CCDC117: variants seen among roughly 807,000 people sequenced by gnomAD.
The protein encoded by CCDC117 is coiled-coil domain-containing protein 117.
Under a neutral mutation model 23.5 loss-of-function variants are expected in CCDC117, and 1 was observed. The observed-to-expected ratio is 0.04, with a 90% confidence interval of 0.02 to 0.20. The LOEUF (loss-of-function observed/expected upper bound fraction) is 0.20. Ranked by LOEUF, CCDC117 falls within the 10% of genes least tolerant of loss-of-function variation. The pLI is 1.00. For synonymous variants in CCDC117, 132 were observed against 124.8 expected (o/e 1.06, Z -0.39); for missense variants, 383 against 348.2 (o/e 1.10, Z -0.80).
At chr22:28,785,177 CTTGTT>C (rs57485961) in intron 4 of CCDC117, among the ~76,000 whole-genome samples, 25 of 151,250 alleles carry the variant, frequency 1.7e-4, no homozygotes, top group South Asian at 4.2e-4. Context: ...AACCATGAAG[CTTGTT>C]TTGTTTTGTT....
chr22:28,772,983 C>A lies in CCDC117; in HGVS notation c.134C>A (p.Pro45Gln). Reference sequence around the variant, plus strand: ...GACGGCGCCGAGTTGGCCCCGCGGCCGGGACCTCGCGCAGTCCCTAGCAGT... The same window carrying A: ...GACGGCGCCGAGTTGGCCCCGCGGCAGGGACCTCGCGCAGTCCCTAGCAGT... ...GADGAELAPR[P>Q]GPRAVPSSPA... The change falls in exon 1 of 5, where the codon CCG becomes CAG. Residue 45 changes from proline to glutamine, a missense_variant. By Grantham distance (76) the Pro-to-Gln change is moderately conservative. Coordinates refer to ENST00000249064, the MANE Select transcript of CCDC117 (RefSeq NM_173510.4). 1 of 1,182,470 alleles carries A rather than the reference C, an allele frequency of 8.5e-7. No homozygotes were observed. Among genetic ancestry groups the A allele is most frequent in the Admixed American group, 4.6e-5 (1 of 21,758 alleles). 73.2% of individuals were successfully genotyped at this position (1,182,470 alleles called of 1,614,324 possible). A position where few individuals can be genotyped will look rare whatever the true frequency, so the allele number is the denominator to read the frequency against.
intron 3 of CCDC117, 109 bp downstream of exon 3, chr22:28,781,281 C>T (rs546065204): frequency 1.8e-6 from 1 of 564,384 alleles, no homozygotes; most frequent in Non-Finnish European, 3.3e-6. Flanking sequence ...CTTAGCCTCT[C>T]AGAAAGACTA....
intron 4 of CCDC117, among the ~76,000 whole-genome samples, chr22:28,785,364 T>G (rs1352829362): frequency 1.3e-5 from 2 of 152,168 alleles, no homozygotes. Flanking sequence ...AATTTTTGTA[T>G]TTTTTGTAGA....
chr22:28,773,055 A>G, intron 1 of CCDC117, 21 bp downstream of exon 1: 2 of 622,582 alleles, frequency 3.2e-6, no homozygotes, highest in South Asian at 6.4e-5. Context: ...CGTCGGGCGC[A>G]GGGCGCAGGG....
chr22:28,781,334 TG>T (rs1569198900), intron 3 of CCDC117, among the ~76,000 whole-genome samples, 162 bp downstream of exon 3: 9 of 39,790 alleles, frequency 2.3e-4, no homozygotes, highest in African/African-American at 8.4e-4. Flanking sequence ...TTTTTTGTTT[TG>T]TTTTTTTTTT....
At chr22:28,774,255 G>A (rs1157919316) in intron 2 of CCDC117, among the ~76,000 whole-genome samples, 1 of 150,570 alleles carries the variant, frequency 6.6e-6, no homozygotes, top group Admixed American at 6.6e-5. Flanking sequence ...TTTTAGTAGA[G>A]ACGGGGTTTC....
chr22:28,786,445 C>A lies in CCDC117; in HGVS notation c.*119C>A. 1 of 643,166 alleles carries A rather than the reference C, an allele frequency of 1.6e-6. No individual in the cohort carries two copies. The highest frequency in any genetic ancestry group is 2.6e-6 in the Non-Finnish European group (1 of 387,318). The allele number at this position is 643,166 out of a possible 1,614,324, so 39.8% of individuals were successfully genotyped here. On this transcript the variant is annotated 3_prime_UTR_variant, in exon 5 of 5. Transcript: ENST00000249064. The stretch of plus-strand genomic sequence containing the variant: ...TGAGACGGGTGTAATAATATCTCCA[C>A]CTGTGATTTGGGGGTGGGACTCTTA...
At chr22:28,777,251 T>C (rs768917489) in intron 2 of CCDC117, among the ~76,000 whole-genome samples, 1 of 151,802 alleles carries the variant, frequency 6.6e-6, no homozygotes, top group South Asian at 2.1e-4. Context: ...GGTCTCAATC[T>C]CCTGACCTTG....
chr22:28,781,689 G>C (rs2031341376), intron 3 of CCDC117, among the ~76,000 whole-genome samples: 1 of 151,480 alleles, frequency 6.6e-6, no homozygotes, highest in Admixed American at 6.6e-5. Flanking sequence ...CGTTACCTAG[G>C]CTGGAGTGCA....
chr22:28,781,193 G>A lies in CCDC117; in HGVS notation c.464+21G>A, dbSNP rs765590734. Reference sequence around the variant, plus strand: ...GACAGGTAAATGGGCAGTGTATATAGCTGGTTTTTTGCTGTTCTCTTGTAA... The same window carrying A: ...GACAGGTAAATGGGCAGTGTATATAACTGGTTTTTTGCTGTTCTCTTGTAA... On this transcript the variant is annotated intron_variant, in intron 3 of 4. Transcript: ENST00000249064. 55 of 1,511,756 alleles carry A rather than the reference G, an allele frequency of 3.6e-5. 1 individual carries two copies. The highest frequency in any genetic ancestry group is 3.1e-4 in the Admixed American group (18 of 57,180). The allele number at this position is 1,511,756 out of a possible 1,614,324, so 93.6% of individuals were successfully genotyped here. A position where few individuals can be genotyped will look rare whatever the true frequency, so the allele number is the denominator to read the frequency against.
At chr22:28,774,371 CTTT>C (rs35613553) in intron 2 of CCDC117, among the ~76,000 whole-genome samples, 13 of 122,108 alleles carry the variant, frequency 1.1e-4, no homozygotes, top group Non-Finnish European at 1.4e-4. Context: ...CCTGAAAAGT[CTTT>C]TTTTTTTTTT....
chr22:28,774,349 G>T (rs1420266500), intron 2 of CCDC117, among the ~76,000 whole-genome samples: 2 of 149,940 alleles, frequency 1.3e-5, no homozygotes, highest in African/African-American at 4.9e-5. Context: ...TTACAGGCCT[G>T]AGCCGCCCCG....
intron 2 of CCDC117, among the ~76,000 whole-genome samples, chr22:28,777,620 C>T (rs1221051184): frequency 6.6e-6 from 1 of 151,720 alleles, no homozygotes; most frequent in Non-Finnish European, 1.5e-5. Context: ...AGCGATTCTC[C>T]TGCCTCAGCC....
At chr22:28,781,330 G>GTTTTTTTTTTTTTTTTTTTT (rs1404977996) in intron 3 of CCDC117, among the ~76,000 whole-genome samples, 158 bp downstream of exon 3, 7 of 37,628 alleles carry the variant, frequency 1.9e-4, no homozygotes, top group Non-Finnish European at 1.8e-4. Flanking sequence ...TTGTTTTTTT[G>GTTTTTTTTTTTTTTTTTTTT]TTTTGTTTTT....
In CCDC117 at chr22:28,783,479, TC is replaced by T. The variant is rs747526714; in HGVS notation, c.465-28del. On this transcript the variant is annotated intron_variant, in intron 3 of 4. Coordinates refer to ENST00000249064, the MANE Select transcript of CCDC117 (RefSeq NM_173510.4). ...TATAATAGCTTGACTAAATATTTTT[TC>T]TTTCTTCTGCTGCCTTAATTGATTT... 1.0e-5 allele frequency: 16 copies of T among 1,590,828 alleles called. 1 individual carries two copies. The Admixed American group carries it at 2.8e-4, about 28-fold the overall frequency.
intron 2 of CCDC117, among the ~76,000 whole-genome samples, chr22:28,774,306 A>G (rs1283929852): frequency 6.8e-6 from 1 of 146,356 alleles, no homozygotes; most frequent in Non-Finnish European, 1.5e-5. Context: ...TGACTTCATG[A>G]TCCTCCCGCC....
At chr22:28,782,449 T>TA (rs1034057201) in intron 3 of CCDC117, among the ~76,000 whole-genome samples, 2 of 151,684 alleles carry the variant, frequency 1.3e-5, no homozygotes, top group Admixed American at 6.6e-5. Context: ...TTTTTATTTT[T>TA]ATTTTTGGAG....
At chr22:28,778,100 C>T (rs1437114964) in intron 2 of CCDC117, among the ~76,000 whole-genome samples, 1 of 151,994 alleles carries the variant, frequency 6.6e-6, no homozygotes, top group Admixed American at 6.6e-5. Context: ...CCGCCTCGGC[C>T]TCCCAAAGTG....
At chr22:28,773,643 A>G in intron 1 of CCDC117, 82 bp from the exon 2 acceptor site, 1 of 1,161,092 alleles carries the variant, frequency 8.6e-7, no homozygotes, top group African/African-American at 1.5e-5. Context: ...GATGAGCAAG[A>G]TTATTGGAGC....
Sources: allele counts gnomAD v4.1 joint callset (sites outside exome capture counted in the v4.1 genomes callset), GRCh38; gene constraint gnomAD v4.1.1; transcripts MANE v1.5; gene names NCBI Gene and HGNC (gene_info 2026-07-23, HGNC 2026-07-21).